Variants in LRRC37A2 observed in about 807,000 individuals in gnomAD.
LRRC37A2 encodes the protein leucine rich repeat containing 37 member A2, also known as leucine-rich repeat-containing protein 37A2.
A neutral mutation model predicts 68.8 loss-of-function variants in LRRC37A2; 9 were observed. That is an observed-to-expected ratio of 0.13 (90% CI 0.08 to 0.23). LRRC37A2 has a LOEUF of 0.23. Ranked by LOEUF, LRRC37A2 falls within the 10% of genes least tolerant of loss-of-function variation. The pLI, the probability that LRRC37A2 is intolerant of heterozygous loss-of-function variation, is 1.00. For missense variants in LRRC37A2, 168 were observed against 950.4 expected (o/e 0.18, Z 10.82); for synonymous variants, 63 against 367.6 (o/e 0.17, Z 9.48).
the LRRC37A2 span, among the ~76,000 whole-genome samples, chr17:46,985,162 C>A: frequency 6.6e-6 from 1 of 152,286 alleles, no homozygotes; most frequent in African/African-American, 2.4e-5. Context: ...CCCTGTTCAG[C>A]CTTTGACCCC....
the LRRC37A2 span, among the ~76,000 whole-genome samples, chr17:46,775,230 C>T: frequency 6.6e-6 from 1 of 152,240 alleles, no homozygotes; most frequent in African/African-American, 2.4e-5. Flanking sequence ...TCACTATCTC[C>T]TGGACTAGGA....
At chr17:46,757,765 G>T in the LRRC37A2 span, among the ~76,000 whole-genome samples, 1 of 152,066 alleles carries the variant, frequency 6.6e-6, no homozygotes, top group Non-Finnish European at 1.5e-5. Flanking sequence ...AGGCTGAGGT[G>T]GGTGGATCAC....
chr17:46,935,456 G>A, the LRRC37A2 span: 1 of 1,391,430 alleles, frequency 7.2e-7, no homozygotes, highest in African/African-American at 1.4e-5. Context: ...CTACTACGAG[G>A]GGTCCAATCA....
the LRRC37A2 span, among the ~76,000 whole-genome samples, chr17:46,879,346 G>C: frequency 0.43 from 65,727 of 151,894 alleles, 15,757 homozygotes; most frequent in African/African-American, 0.65. Context: ...GCACATGTCC[G>C]CTCTGTGATG....
the LRRC37A2 span, chr17:46,876,425 C>T: frequency 6.2e-7 from 1 of 1,613,764 alleles, no homozygotes; most frequent in Admixed American, 1.7e-5. Flanking sequence ...CCGCCTAGAG[C>T]TGTGGGCCCC....
the LRRC37A2 span, among the ~76,000 whole-genome samples, chr17:46,844,032 C>A: frequency 6.6e-6 from 1 of 152,206 alleles, no homozygotes; most frequent in Non-Finnish European, 1.5e-5. Context: ...TGGCTCATTG[C>A]AGTTGCAACT....
At chr17:46,490,875 C>CT in the LRRC37A2 span, among the ~76,000 whole-genome samples, 889 of 146,644 alleles carry the variant, frequency 6.1e-3, 42 homozygotes, top group African/African-American at 0.02. Flanking sequence ...TACATACATA[C>CT]TTTTTTTTTT....
chr17:46,770,224 G>C, the LRRC37A2 span, among the ~76,000 whole-genome samples: 2 of 152,362 alleles, frequency 1.3e-5, no homozygotes, highest in African/African-American at 4.8e-5. Context: ...TTTAGACCCA[G>C]TTGGGTATTC....
the LRRC37A2 span, chr17:47,019,550 A>AGC: frequency 6.7e-7 from 1 of 1,494,718 alleles, no homozygotes; most frequent in East Asian, 2.3e-5. Flanking sequence ...TGCATCGAAA[A>AGC]CTGACTGAAG....
the LRRC37A2 span, among the ~76,000 whole-genome samples, chr17:46,811,279 AGTGTT>A: frequency 6.6e-6 from 1 of 151,986 alleles, no homozygotes; most frequent in African/African-American, 2.4e-5. Context: ...TGCATGGGTC[AGTGTT>A]AATATGGGAA....
At chr17:46,904,517 A>G in the LRRC37A2 span, among the ~76,000 whole-genome samples, 1 of 148,084 alleles carries the variant, frequency 6.8e-6, no homozygotes, top group African/African-American at 2.5e-5. Flanking sequence ...TGGACGGATG[A>G]TGGATGGATG....
chr17:46,785,419 T>C, the LRRC37A2 span, among the ~76,000 whole-genome samples: 5 of 152,226 alleles, frequency 3.3e-5, no homozygotes, highest in Middle Eastern at 3.4e-3. Flanking sequence ...ATCCACGCCA[T>C]AGGAGAAAAA....
At chr17:46,938,917 T>C in the LRRC37A2 span, 1 of 1,517,646 alleles carries the variant, frequency 6.6e-7, no homozygotes, top group South Asian at 1.2e-5. Context: ...TCCAACCTGC[T>C]CTGTTTTCTG....
chr17:46,772,283 G>A, the LRRC37A2 span, among the ~76,000 whole-genome samples: 1 of 152,218 alleles, frequency 6.6e-6, no homozygotes, highest in East Asian at 1.9e-4. Flanking sequence ...ACCTGTCCTC[G>A]GGCCATCTAG....
chr17:46,952,032 C>A, the LRRC37A2 span, among the ~76,000 whole-genome samples: 1 of 152,182 alleles, frequency 6.6e-6, no homozygotes, highest in Non-Finnish European at 1.5e-5. Context: ...TATATTGCAT[C>A]AGGGAGAGGG....
the LRRC37A2 span, among the ~76,000 whole-genome samples, chr17:46,955,933 G>A: frequency 2.6e-5 from 4 of 152,144 alleles, no homozygotes; most frequent in South Asian, 2.1e-4. Context: ...TCCTGAGGGC[G>A]AAGACTCTAA....
the LRRC37A2 span, among the ~76,000 whole-genome samples, chr17:46,776,001 C>T: frequency 2.6e-5 from 4 of 152,208 alleles, no homozygotes; most frequent in South Asian, 8.3e-4. Context: ...GGGTTTGCCT[C>T]ATTTAATCCT....
At chr17:46,694,132 C>T in the LRRC37A2 span, among the ~76,000 whole-genome samples, 2 of 133,062 alleles carry the variant, frequency 1.5e-5, no homozygotes, top group African/African-American at 6.9e-5. Context: ...CACCTGTAAT[C>T]CCAGCACTTT....
chr17:46,543,563 G>C (rs2055803519), intron 8 of LRRC37A2, among the ~76,000 whole-genome samples: 1 of 150,900 alleles, frequency 6.6e-6, no homozygotes, highest in African/African-American at 2.5e-5. Flanking sequence ...GGTTATGTCA[G>C]AGAATGCCTT....
Sources: gnomAD v4.1 joint callset for allele counts (sites outside exome capture counted in the v4.1 genomes callset) on GRCh38, gnomAD v4.1.1 for gene constraint, MANE v1.5 for transcripts, NCBI Gene and HGNC (gene_info 2026-07-23, HGNC 2026-07-21) for gene names.